Variants in FRRS1 observed in about 807,000 individuals in gnomAD.
The protein encoded by FRRS1 is ferric reductase 1.
Under a neutral mutation model 70.7 loss-of-function variants are expected in FRRS1, and 51 were observed. The observed-to-expected ratio is 0.72, with a 90% CI of 0.58 to 0.91. The LOEUF (loss-of-function observed/expected upper bound fraction) is 0.91. Among genes scored for constraint, FRRS1 ranks in the 40% least tolerant of loss-of-function variants. The pLI is 0.00. For synonymous variants in FRRS1, 225 were observed against 238.7 expected (o/e 0.94, Z 0.53); for missense variants, 672 against 726.0 (o/e 0.93, Z 0.86).
chr1:99,752,872 T>C (rs556120537), intron 1 of FRRS1, among the ~76,000 whole-genome samples: 149 of 151,762 alleles, frequency 9.8e-4, no homozygotes, highest in African/African-American at 3.6e-3. Context: ...CAATGAGGAG[T>C]TGCCACAAGC....
In FRRS1 at chr1:99,715,803, C is replaced by T. The variant is rs1312557014; in HGVS notation, c.1237-131G>A. On this transcript the variant is annotated intron_variant, in intron 11 of 16. Transcript: ENST00000646001. Reference sequence around the variant, plus strand: ...GGCATGCATTCAACTGACATCTAATCACAGTTTGTAGCCAGGTTAAGAAAA... The same window carrying T: ...GGCATGCATTCAACTGACATCTAATTACAGTTTGTAGCCAGGTTAAGAAAA... 3.5e-5 allele frequency: 19 copies of T among 543,830 alleles called. No homozygotes were observed. The East Asian group carries it at 6.0e-4, about 17-fold the overall frequency. The allele number at this position is 543,830 out of a possible 1,614,324, so 33.7% of individuals were successfully genotyped here.
At chr1:99,747,642 C>T in intron 3 of FRRS1, 1 of 495,930 alleles carries the variant, frequency 2.0e-6, no homozygotes, top group Non-Finnish European at 3.6e-6. Flanking sequence ...ATATTAATAG[C>T]CATTCCGCAA....
chr1:99,715,136 T>G (rs1026376051), intron 12 of FRRS1, among the ~76,000 whole-genome samples: 1 of 152,128 alleles, frequency 6.6e-6, no homozygotes, highest in Non-Finnish European at 1.5e-5. Context: ...GGATGACAAG[T>G]GTGAACCACC....
intron 5 of FRRS1, among the ~76,000 whole-genome samples, chr1:99,741,428 T>G (rs1286119666): frequency 6.6e-6 from 1 of 152,238 alleles, no homozygotes; most frequent in Non-Finnish European, 1.5e-5. Flanking sequence ...TGTTACTGTG[T>G]GTTGGGGACC....
chr1:99,705,372 G>A lies in FRRS1; in HGVS notation c.*3656C>T, dbSNP rs563703878. ...GAAGAAAGAAGCAGGATGTGGATAG[G>A]AACTGTGAATATCCTAATCTGATTT... is the stretch of plus-strand genomic sequence containing the variant. On this transcript the variant is annotated 3_prime_UTR_variant, in exon 17 of 17. Coordinates refer to ENST00000646001, the MANE Select transcript of FRRS1 (RefSeq NM_001361041.2). Among the ~76,000 whole-genome samples the A allele has an allele frequency of 6.6e-6, 1 of 152,334 alleles. No individual in the cohort carries two copies. Among genetic ancestry groups the A allele is most frequent in the East Asian group, 1.9e-4 (1 of 5,184 alleles).
rs1654481695 is a variant in FRRS1 at position 99,715,618 on chromosome 1, T to C, written c.1291A>G (p.Met431Val). ...TTVLTCIAFV[M>V]PFIYRGGWSR... The stretch of plus-strand genomic sequence containing the variant: ...CAGCCTCCCCTGTATATAAACGGCA[T>C]AACAAAAGCAATGCAGGTGAGGACA... The change falls in exon 12 of 17, where the codon ATG (methionine) becomes GTG (valine). Residue 431 changes from methionine to valine, a missense_variant. Physicochemically the swap from Met to Val is conservative, Grantham distance 21 (BLOSUM62 1). Coordinates refer to ENST00000646001, the MANE Select transcript of FRRS1 (RefSeq NM_001361041.2). 6 of 1,613,328 alleles carry C rather than the reference T, an allele frequency of 3.7e-6. No homozygotes were observed. The highest frequency in any genetic ancestry group is 5.1e-6 in the Non-Finnish European group (6 of 1,179,326).
intron 1 of FRRS1, among the ~76,000 whole-genome samples, chr1:99,762,479 CTT>C (rs34305090): frequency 5.7e-5 from 8 of 139,996 alleles, no homozygotes; most frequent in Admixed American, 7.3e-5. Flanking sequence ...TTTTTTTTCC[CTT>C]TTTTTTTTTT....
chr1:99,760,223 C>T (rs1189364904), intron 1 of FRRS1, among the ~76,000 whole-genome samples: 5 of 152,198 alleles, frequency 3.3e-5, no homozygotes, highest in African/African-American at 1.2e-4. Flanking sequence ...AACTTTCCAT[C>T]TCCTCAATAT....
chr1:99,717,817 GT>G, intron 10 of FRRS1, among the ~76,000 whole-genome samples: 1 of 152,116 alleles, frequency 6.6e-6, no homozygotes, highest in Non-Finnish European at 1.5e-5. Context: ...TATTATTCCA[GT>G]TTTGCTGAAT....
At chr1:99,740,512 A>C (rs1347698652) in intron 6 of FRRS1, among the ~76,000 whole-genome samples, 1 of 152,244 alleles carries the variant, frequency 6.6e-6, no homozygotes, top group Non-Finnish European at 1.5e-5. Context: ...ACATAGAGAA[A>C]ACTAAGTACA....
chr1:99,745,959 A>G lies in FRRS1; in HGVS notation c.333+1335T>C, dbSNP rs558446427. 4.6e-5 allele frequency among the ~76,000 whole-genome samples: 7 copies of G among 151,654 alleles called. No individual in the cohort carries two copies. The East Asian group carries it at 9.7e-4, about 21-fold the overall frequency. ...TGCTCCGGCTTCAGCTTCTGCCATG[A>G]GTAAAAGGCCATGAGGCCTCCCTAA... On this transcript the variant is annotated intron_variant, in intron 4 of 16. Transcript: ENST00000646001.
At chr1:99,753,987 T>C (rs1000732844) in intron 1 of FRRS1, among the ~76,000 whole-genome samples, 4 of 151,870 alleles carry the variant, frequency 2.6e-5, no homozygotes, top group African/African-American at 9.7e-5. Flanking sequence ...AAAGCAGGAG[T>C]AGCTACGTTA....
chr1:99,760,884 C>A (rs1657084378), intron 1 of FRRS1, among the ~76,000 whole-genome samples: 1 of 152,042 alleles, frequency 6.6e-6, no homozygotes, highest in African/African-American at 2.4e-5. Flanking sequence ...CTCCTGACCT[C>A]AGGTGATACA....
In FRRS1 at chr1:99,711,086, T is replaced by C. The variant is rs982970612; in HGVS notation, c.1481-137A>G. 4.5e-5 allele frequency: 33 copies of C among 726,362 alleles called. No homozygotes were observed. The East Asian group carries it at 5.8e-4, about 13-fold the overall frequency. 45.0% of individuals were successfully genotyped at this position (726,362 alleles called of 1,614,324 possible). On this transcript the variant is annotated intron_variant, in intron 14 of 16. Transcript: ENST00000646001. ...AAGAAGATTAATATCTAAGACCAAA[T>C]AGTTAATTCAGACTTTTAAAATTAT... is the stretch of plus-strand genomic sequence containing the variant.
At position 99,707,429 on chromosome 1, in the gene FRRS1, C is replaced by T. The variant is rs1044574533; in HGVS notation, c.*1599G>A. ...CCTAAATTTTTTATTTTAAAAATGC[C>T]CAGTTTATTTATTTGCTTTGCCTAA... On this transcript the variant is annotated 3_prime_UTR_variant, in exon 17 of 17. Transcript: ENST00000646001. Among the ~76,000 whole-genome samples, 4 of 151,792 alleles carry T rather than the reference C, an allele frequency of 2.6e-5. No individual in the cohort carries two copies. Among genetic ancestry groups the T allele is most frequent in the African/African-American group, 7.3e-5 (3 of 41,318 alleles).
chr1:99,716,949 T>C (rs956989615), intron 11 of FRRS1, among the ~76,000 whole-genome samples: 2 of 152,200 alleles, frequency 1.3e-5, no homozygotes, highest in African/African-American at 4.8e-5. Flanking sequence ...TCCCAATTGA[T>C]GAGTTAATCT....
intron 10 of FRRS1, among the ~76,000 whole-genome samples, chr1:99,718,889 A>G (rs1654665676): frequency 1.3e-5 from 2 of 152,190 alleles, no homozygotes; most frequent in African/African-American, 4.8e-5. Context: ...ACCCAGTAAC[A>G]CTTGACCCTG....
chr1:99,743,253 G>A (rs995623243), intron 4 of FRRS1, among the ~76,000 whole-genome samples: 1 of 152,020 alleles, frequency 6.6e-6, no homozygotes, highest in African/African-American at 2.4e-5. Context: ...CATTTATCTT[G>A]CAACCACCAC....
intron 5 of FRRS1, 46 bp from the exon 6 acceptor site, chr1:99,740,986 C>A: frequency 6.5e-7 from 1 of 1,547,866 alleles, no homozygotes; most frequent in South Asian, 1.1e-5. Context: ...TGTGTCCTGT[C>A]ACAATCAGAT....
Sources: gnomAD v4.1 joint callset for allele counts (sites outside exome capture counted in the v4.1 genomes callset) on GRCh38, gnomAD v4.1.1 for gene constraint, MANE v1.5 for transcripts, NCBI Gene and HGNC (gene_info 2026-07-23, HGNC 2026-07-21) for gene names.